The following DENND5B variants were observed in gnomAD, a reference collection of about 807,000 sequenced individuals.
The protein encoded by DENND5B is DENN domain containing 5B.
DENND5B carries 34 observed loss-of-function variants against 140.6 expected under a neutral mutation model. The observed-to-expected ratio is 0.24, with a 90% confidence interval of 0.18 to 0.32. DENND5B has a LOEUF of 0.32. Ranked by LOEUF, DENND5B falls within the 10% of genes least tolerant of loss-of-function variation. The probability of loss-of-function intolerance (pLI) is 1.00; values close to 1 mark genes in which losing one functional copy is unlikely to be tolerated. For synonymous variants in DENND5B, 551 were observed against 562.1 expected, an observed-to-expected ratio of 0.98 and a Z score of 0.28; for missense variants, 1,142 against 1,560.2, an observed-to-expected ratio of 0.73 and a Z score of 4.52.
intron 1 of DENND5B, among the ~76,000 whole-genome samples, chr12:31,512,375 C>A (rs1483672990): frequency 1.5e-5 from 2 of 135,198 alleles, no homozygotes; most frequent in Non-Finnish European, 3.1e-5. Context: ...CACCACCACA[C>A]CCCTGGCTAA....
chr12:31,520,393 T>C (rs1947831938), intron 1 of DENND5B, among the ~76,000 whole-genome samples: 2 of 152,206 alleles, frequency 1.3e-5, no homozygotes, highest in South Asian at 2.1e-4. Flanking sequence ...CTGTTAATCA[T>C]ATGCAGCAAA....
chr12:31,525,435 T>C (rs776565252), intron 1 of DENND5B, among the ~76,000 whole-genome samples: 8 of 152,240 alleles, frequency 5.3e-5, no homozygotes, highest in Non-Finnish European at 1.0e-4. Context: ...AGACACATAC[T>C]GTACAATTCT....
chr12:31,588,182 G>A (rs987221805), intron 1 of DENND5B, among the ~76,000 whole-genome samples: 3 of 152,066 alleles, frequency 2.0e-5, no homozygotes, highest in East Asian at 1.9e-4. Context: ...TTTCTTCTGC[G>A]TGCAATGCTG....
intron 13 of DENND5B, among the ~76,000 whole-genome samples, chr12:31,411,494 G>A (rs989704298): frequency 1.3e-5 from 2 of 151,784 alleles, no homozygotes; most frequent in South Asian, 2.1e-4. Flanking sequence ...ATAGGCATGC[G>A]CCACGACACC....
intron 6 of DENND5B, among the ~76,000 whole-genome samples, chr12:31,446,866 G>A (rs1944297361): frequency 1.4e-5 from 2 of 147,002 alleles, no homozygotes; most frequent in Non-Finnish European, 3.0e-5. Flanking sequence ...CAGCCTGGGC[G>A]ACAGAGTGAG....
At chr12:31,426,573 TA>T (rs1312603446) in intron 8 of DENND5B, 149 bp from the exon 9 acceptor site, 6 of 918,374 alleles carry the variant, frequency 6.5e-6, no homozygotes, top group African/African-American at 1.7e-5. Flanking sequence ...TTTAGTGTAC[TA>T]AAAGACAGAG....
At chr12:31,550,973 G>A (rs1042865800) in intron 1 of DENND5B, among the ~76,000 whole-genome samples, 20 of 133,008 alleles carry the variant, frequency 1.5e-4, no homozygotes, top group African/African-American at 5.0e-4. Context: ...CCCTTTGTCA[G>A]ATGAGTAGGT....
chr12:31,417,090 C>A (rs1942787230), intron 11 of DENND5B, among the ~76,000 whole-genome samples: 1 of 145,070 alleles, frequency 6.9e-6, no homozygotes, highest in Non-Finnish European at 1.5e-5. Flanking sequence ...GGCGCTGTGG[C>A]TCACACCTGT....
At chr12:31,507,423 C>A (rs980559952) in intron 1 of DENND5B, among the ~76,000 whole-genome samples, 1 of 152,220 alleles carries the variant, frequency 6.6e-6, no homozygotes, top group African/African-American at 2.4e-5. Flanking sequence ...TCATTTGCCA[C>A]TGCACCTGGC....
In DENND5B at chr12:31,495,939, G is replaced by C. The variant is rs1244331796; in HGVS notation, c.128-20C>G. 1 of 1,528,566 alleles carries C rather than the reference G, an allele frequency of 6.5e-7. No individual in the cohort carries two copies. Among genetic ancestry groups the C allele is most frequent in the Non-Finnish European group, 8.9e-7 (1 of 1,118,598 alleles). The allele number at this position is 1,528,566 out of a possible 1,614,324, so 94.7% of individuals were successfully genotyped here. On this transcript the variant is annotated intron_variant, in intron 1 of 20. Coordinates refer to ENST00000389082, the MANE Select transcript of DENND5B (RefSeq NM_144973.4). ...TTTCGCCTACAACAAATAATACATA[G>C]TTAATATCTAGAACTTTTCCAAAAG...
intron 20 of DENND5B, among the ~76,000 whole-genome samples, chr12:31,388,768 A>G (rs944881193): frequency 2.6e-5 from 4 of 151,132 alleles, no homozygotes; most frequent in Non-Finnish European, 4.5e-5. Flanking sequence ...AGTCTTAAAG[A>G]GAAGATGATA....
In DENND5B at chr12:31,587,119, C is replaced by T. The variant is rs575504440; in HGVS notation, c.127+3587G>A. 1.1e-3 allele frequency among the ~76,000 whole-genome samples: 175 copies of T among 152,272 alleles called. 3 individuals carry two copies. The South Asian group carries it at 0.035, about 30-fold the overall frequency. ...AATGGCCCCAGGGCTCAATCATTTG[C>T]GTGTCCTCCTCTCTTTTCTATCTAT... is the stretch of plus-strand genomic sequence containing the variant. On this transcript the variant is annotated intron_variant, in intron 1 of 20. Transcript: ENST00000389082.
intron 5 of DENND5B, among the ~76,000 whole-genome samples, chr12:31,451,219 C>T (rs546629149): frequency 6.6e-6 from 1 of 152,164 alleles, no homozygotes; most frequent in Admixed American, 6.5e-5. Flanking sequence ...CTTATTTAAC[C>T]ATACTTGATC....
At chr12:31,551,477 A>T (rs1471628660) in intron 1 of DENND5B, among the ~76,000 whole-genome samples, 1 of 152,146 alleles carries the variant, frequency 6.6e-6, no homozygotes, top group Non-Finnish European at 1.5e-5. Context: ...CTTGTAGTAT[A>T]GTTTGAAGTC....
chr12:31,397,008 CA>C (rs1351586451), intron 17 of DENND5B, among the ~76,000 whole-genome samples: 1 of 152,164 alleles, frequency 6.6e-6, no homozygotes, highest in Non-Finnish European at 1.5e-5. Flanking sequence ...GCAATATTTA[CA>C]GATTCTAGAG....
At chr12:31,458,367 C>G (rs1309809372) in intron 4 of DENND5B, among the ~76,000 whole-genome samples, 1 of 152,190 alleles carries the variant, frequency 6.6e-6, no homozygotes, top group Non-Finnish European at 1.5e-5. Flanking sequence ...ACTAAAATAT[C>G]ATTAAGTCTT....
intron 7 of DENND5B, among the ~76,000 whole-genome samples, chr12:31,435,528 ATC>A (rs1377481803): frequency 6.6e-6 from 1 of 152,152 alleles, no homozygotes; most frequent in Non-Finnish European, 1.5e-5. Flanking sequence ...TCATGTTAAC[ATC>A]TGTTTCTTCA....
At chr12:31,428,933 G>T (rs1480950927) in intron 8 of DENND5B, among the ~76,000 whole-genome samples, 4 of 151,614 alleles carry the variant, frequency 2.6e-5, no homozygotes, top group African/African-American at 9.7e-5. Flanking sequence ...GGGTTTCACT[G>T]TGTTAGCCAG....
chr12:31,398,487 T>A lies in DENND5B; in HGVS notation c.3069-125A>T, dbSNP rs1039781195. The A allele has an allele frequency of 8.1e-6, 7 of 860,290 alleles. No homozygotes were observed. The African/African-American group carries it at 1.2e-4, about 15-fold the overall frequency. The allele number at this position is 860,290 out of a possible 1,614,324, so 53.3% of individuals were successfully genotyped here. ...ACCTGGCTAATTTTTGTGTTTTTTA[T>A]AGAGAGGTCTCATTACATTGCCCAG... On this transcript the variant is annotated intron_variant, in intron 16 of 20. Transcript: ENST00000389082.
Sources: allele counts gnomAD v4.1 joint callset (sites outside exome capture counted in the v4.1 genomes callset), GRCh38; gene constraint gnomAD v4.1.1; transcripts MANE v1.5; gene names NCBI Gene and HGNC (gene_info 2026-07-23, HGNC 2026-07-21).